Variants in KANK4 observed in about 807,000 individuals in gnomAD.
The protein encoded by KANK4 is KN motif and ankyrin repeat domain-containing protein 4.
In KANK4, 50 loss-of-function variants were observed where a neutral mutation model predicts 80.8. That is an observed-to-expected ratio of 0.62 (90% CI 0.49 to 0.78). The LOEUF (loss-of-function observed/expected upper bound fraction) is 0.78. Among genes scored for constraint, KANK4 ranks in the 30% least tolerant of loss-of-function variants. The pLI, the probability that KANK4 is intolerant of heterozygous loss-of-function variation, is 0.00. For synonymous variants in KANK4, 465 were observed against 506.9 expected, an observed-to-expected ratio of 0.92 and a Z score of 1.11; for missense variants, 1,196 against 1,240.1, an observed-to-expected ratio of 0.96 and a Z score of 0.53.
intron 1 of KANK4, among the ~76,000 whole-genome samples, chr1:62,297,992 TC>T (rs141122262): frequency 0.21 from 32,449 of 152,028 alleles, 3,822 homozygotes; most frequent in Middle Eastern, 0.35. Context: ...TCTCTGTTGT[TC>T]TCTAGGCAGG....
intron 4 of KANK4, 149 bp downstream of exon 4, chr1:62,271,329 C>A: frequency 1.6e-6 from 1 of 638,446 alleles, no homozygotes; most frequent in South Asian, 1.8e-5. Flanking sequence ...CGCATGCAAA[C>A]CCGAGATGGA....
intron 1 of KANK4, among the ~76,000 whole-genome samples, chr1:62,308,743 T>A (rs1644473970): frequency 6.6e-6 from 1 of 152,048 alleles, no homozygotes; most frequent in Non-Finnish European, 1.5e-5. Context: ...AGGGCACCTC[T>A]CCCCAGGGAA....
At chr1:62,240,491 G>A (rs572644573) in intron 9 of KANK4, among the ~76,000 whole-genome samples, 29 of 152,230 alleles carry the variant, frequency 1.9e-4, no homozygotes, top group African/African-American at 6.7e-4. Context: ...CCAACATGGA[G>A]AAACCCCATC....
intron 1 of KANK4, among the ~76,000 whole-genome samples, chr1:62,300,902 A>AT (rs1361303827): frequency 6.6e-6 from 1 of 152,084 alleles, no homozygotes; most frequent in African/African-American, 2.4e-5. Flanking sequence ...CTTTCCCTAA[A>AT]TGCTCCTTTT....
At chr1:62,267,801 C>CAA (rs59851783) in intron 5 of KANK4, among the ~76,000 whole-genome samples, 39,144 of 126,152 alleles carry the variant, frequency 0.31, 5,986 homozygotes, top group South Asian at 0.49. Flanking sequence ...GACTCCGTCT[C>CAA]AAAAAAAAAA....
intron 2 of KANK4, among the ~76,000 whole-genome samples, chr1:62,280,009 G>A (rs1386056830): frequency 6.6e-6 from 1 of 152,224 alleles, no homozygotes. Flanking sequence ...ACAAGGTAAG[G>A]AGGGAGAACC....
At chr1:62,245,097 G>A (rs1485156431) in intron 9 of KANK4, among the ~76,000 whole-genome samples, 1 of 152,176 alleles carries the variant, frequency 6.6e-6, no homozygotes, top group Non-Finnish European at 1.5e-5. Context: ...GGCCTCTTCG[G>A]GCATCAGCAG....
intron 1 of KANK4, among the ~76,000 whole-genome samples, chr1:62,297,080 G>GT (rs1278155183): frequency 1.3e-5 from 2 of 151,860 alleles, no homozygotes; most frequent in Non-Finnish European, 2.9e-5. Context: ...AGCCGGGTGT[G>GT]GTGATGCGCA....
intron 9 of KANK4, among the ~76,000 whole-genome samples, chr1:62,241,221 C>A (rs924735238): frequency 6.6e-6 from 1 of 152,112 alleles, no homozygotes. Flanking sequence ...AGGGCTCCCA[C>A]GCATGCAAAT....
At chr1:62,280,139 A>T (rs555755870) in intron 2 of KANK4, among the ~76,000 whole-genome samples, 1 of 152,206 alleles carries the variant, frequency 6.6e-6, no homozygotes, top group South Asian at 2.1e-4. Context: ...AATGGGGAAA[A>T]ACAGAAACTA....
chr1:62,266,533 G>C (rs1672025521), intron 6 of KANK4, among the ~76,000 whole-genome samples, 199 bp downstream of exon 6: 2 of 149,466 alleles, frequency 1.3e-5, no homozygotes, highest in Admixed American at 1.3e-4. Flanking sequence ...TCACACCACT[G>C]CCTCACACTG....
intron 7 of KANK4, among the ~76,000 whole-genome samples, chr1:62,253,512 C>A (rs1671677717): frequency 2.1e-5 from 3 of 145,948 alleles, no homozygotes; most frequent in African/African-American, 7.5e-5. Context: ...CAGGTTCAAG[C>A]AATTCTGCTG....
chr1:62,278,066 A>G (rs940712614), intron 2 of KANK4, among the ~76,000 whole-genome samples: 2 of 152,206 alleles, frequency 1.3e-5, no homozygotes, highest in Non-Finnish European at 2.9e-5. Flanking sequence ...ACTTGTATGC[A>G]CGCGAACAAG....
At chr1:62,263,429 G>T in intron 6 of KANK4, 118 bp from the exon 7 acceptor site, 1 of 802,278 alleles carries the variant, frequency 1.2e-6, no homozygotes, top group Non-Finnish European at 2.0e-6. Flanking sequence ...CTTGCCATGT[G>T]ATTTATTCCT....
At chr1:62,242,682 C>T (rs961609132) in intron 9 of KANK4, among the ~76,000 whole-genome samples, 2 of 152,054 alleles carry the variant, frequency 1.3e-5, no homozygotes, top group South Asian at 2.1e-4. Context: ...GCATTTATAC[C>T]GAACTTTAAA....
At chr1:62,266,955 G>C (rs1481169813) in intron 5 of KANK4, 136 bp from the exon 6 acceptor site, 1 of 590,988 alleles carries the variant, frequency 1.7e-6, no homozygotes, top group Non-Finnish European at 3.0e-6. Flanking sequence ...GAGAGGGTGA[G>C]CTTCAAAAAT....
intron 7 of KANK4, among the ~76,000 whole-genome samples, chr1:62,254,487 C>T (rs2149125573): frequency 6.8e-6 from 1 of 147,122 alleles, no homozygotes; most frequent in East Asian, 2.3e-4. Context: ...AATGATCCAC[C>T]TGCCTCGGCC....
intron 1 of KANK4, among the ~76,000 whole-genome samples, chr1:62,283,872 A>T (rs922895491): frequency 1.3e-5 from 2 of 152,210 alleles, no homozygotes; most frequent in African/African-American, 4.8e-5. Flanking sequence ...TTCAGCACAC[A>T]TTAGGTCAAA....
intron 6 of KANK4, 184 bp from the exon 7 acceptor site, chr1:62,263,495 G>A (rs1486025115): frequency 3.3e-6 from 2 of 601,890 alleles, no homozygotes; most frequent in South Asian, 2.0e-5. Flanking sequence ...GTACTTGTGC[G>A]ATCAGCCCCC....
Sources: gnomAD v4.1 joint callset for allele counts (sites outside exome capture counted in the v4.1 genomes callset) on GRCh38, gnomAD v4.1.1 for gene constraint, MANE v1.5 for transcripts, NCBI Gene and HGNC (gene_info 2026-07-23, HGNC 2026-07-21) for gene names.